Variants in CALCR observed in about 807,000 individuals in gnomAD.
CALCR encodes calcitonin receptor.
CALCR carries 47 observed loss-of-function variants against 59.5 expected under a neutral mutation model. The ratio of observed to expected loss-of-function variants is 0.79; its 90% CI spans 0.63 to 1.01. CALCR has a LOEUF of 1.01. CALCR is among the 50% of genes least tolerant of loss of function. The pLI is 0.00. For missense variants in CALCR, 566 were observed against 597.1 expected (o/e 0.95, Z 0.54); for synonymous variants, 213 against 211.3 (o/e 1.01, Z -0.07).
At chr7:93,554,792 T>TATATATA (rs60870213) in intron 2 of CALCR, among the ~76,000 whole-genome samples, 26 of 135,748 alleles carry the variant, frequency 1.9e-4, no homozygotes, top group African/African-American at 5.1e-4. Context: ...TATATATATA[T>TATATATA]TATACGTACA....
At chr7:93,427,411 A>T (rs1274607506) in intron 13 of CALCR, among the ~76,000 whole-genome samples, 1 of 152,156 alleles carries the variant, frequency 6.6e-6, no homozygotes, top group Non-Finnish European at 1.5e-5. Context: ...GCTGAACAAA[A>T]CTAAAAAAGA....
At chr7:93,545,436 A>G (rs1319575206) in intron 2 of CALCR, among the ~76,000 whole-genome samples, 1 of 152,152 alleles carries the variant, frequency 6.6e-6, no homozygotes, top group Non-Finnish European at 1.5e-5. Context: ...TTTAACAGAA[A>G]TTTAACGTGG....
intron 2 of CALCR, among the ~76,000 whole-genome samples, chr7:93,547,575 T>C (rs1353000378): frequency 2.0e-5 from 3 of 152,192 alleles, no homozygotes; most frequent in African/African-American, 4.8e-5. Flanking sequence ...CTCTGTTTTA[T>C]GGACAGGAAA....
chr7:93,436,510 A>T (rs1033454834), intron 11 of CALCR, among the ~76,000 whole-genome samples: 3 of 152,104 alleles, frequency 2.0e-5, no homozygotes, highest in African/African-American at 7.2e-5. Context: ...CATTTTCCTG[A>T]TGATACATGA....
intron 2 of CALCR, among the ~76,000 whole-genome samples, chr7:93,499,938 C>G (rs1203045115): frequency 6.6e-6 from 1 of 151,844 alleles, no homozygotes; most frequent in African/African-American, 2.4e-5. Flanking sequence ...TACAAAATAT[C>G]ATCTTGTCCT....
intron 2 of CALCR, among the ~76,000 whole-genome samples, chr7:93,543,756 G>GT (rs570075105): frequency 2.0e-5 from 3 of 151,344 alleles, no homozygotes; most frequent in African/African-American, 4.9e-5. Context: ...TTTCCAATGA[G>GT]TTTTTTTTCA....
chr7:93,466,572 CTTG>C (rs1450754537), intron 7 of CALCR, among the ~76,000 whole-genome samples: 2 of 151,734 alleles, frequency 1.3e-5, no homozygotes, highest in African/African-American at 2.4e-5. Flanking sequence ...TCATTTGTCT[CTTG>C]TTGTGTCTGC....
intron 2 of CALCR, among the ~76,000 whole-genome samples, chr7:93,544,342 T>C (rs1789226906): frequency 1.3e-5 from 2 of 152,166 alleles, no homozygotes; most frequent in South Asian, 4.1e-4. Context: ...TCTTCCAGTT[T>C]GTAGGCAAAT....
intron 7 of CALCR, 140 bp downstream of exon 7, chr7:93,468,575 T>C (rs1016524001): frequency 1.7e-6 from 1 of 571,500 alleles, no homozygotes; most frequent in Non-Finnish European, 3.1e-6. Flanking sequence ...TCATTTTTCT[T>C]GCTACTTCAT....
At chr7:93,460,596 T>TAC (rs1800310546) in intron 8 of CALCR, among the ~76,000 whole-genome samples, 1 of 47,910 alleles carries the variant, frequency 2.1e-5, no homozygotes, top group African/African-American at 7.7e-5. Flanking sequence ...TATATATGTA[T>TAC]ATATATATAT....
chr7:93,521,654 T>C (rs1028931537), intron 2 of CALCR, among the ~76,000 whole-genome samples: 2 of 152,074 alleles, frequency 1.3e-5, no homozygotes, highest in African/African-American at 4.8e-5. Flanking sequence ...CAAACCATTC[T>C]TTTGTATCCA....
chr7:93,438,362 T>C (rs1328294288), intron 9 of CALCR, 92 bp from the exon 10 acceptor site: 3 of 917,148 alleles, frequency 3.3e-6, no homozygotes, highest in Non-Finnish European at 5.4e-6. Context: ...CTTGCAAAAA[T>C]ACTGGCAAAT....
chr7:93,443,746 C>G lies in CALCR; in HGVS notation c.660G>C (p.Lys220Asn). 1.9e-6 allele frequency: 3 copies of G among 1,612,882 alleles called. No individual in the cohort carries two copies. Among genetic ancestry groups the G allele is most frequent in the Non-Finnish European group, 2.5e-6 (3 of 1,179,208 alleles). The change falls in exon 9 of 14, where the codon AAG (lysine) becomes AAC (asparagine). Residue 220 changes from lysine to asparagine, a missense_variant. Physicochemically the swap from Lys to Asn is moderately conservative, Grantham distance 94. Coordinates refer to ENST00000426151, the MANE Select transcript of CALCR (RefSeq NM_001742.4). ...TGTACTGGTGGAAAAAATGCAAAAT[C>G]TTGCAGCTCACCTGTCAGAAAGAAA... is the stretch of plus-strand genomic sequence containing the variant. ...ELVRRDPVSC[K>N]ILHFFHQYMM...
At position 93,443,737 on chromosome 7, in the gene CALCR, A is replaced by G. The variant is rs1223070085; in HGVS notation, c.669T>C (p.His223=). Residue 223 remains histidine, a synonymous_variant, in exon 9 of 14, where the codon CAT becomes CAC. Coordinates refer to ENST00000426151, the MANE Select transcript of CALCR (RefSeq NM_001742.4). ...AGGCCATCATGTACTGGTGGAAAAA[A>G]TGCAAAATCTTGCAGCTCACCTGTC... ...RRDPVSCKIL[H]FFHQYMMACN... The G allele has an allele frequency of 6.2e-7, 1 of 1,613,276 alleles. No homozygotes were observed.
chr7:93,503,945 T>C (rs1801375032), intron 2 of CALCR, among the ~76,000 whole-genome samples: 1 of 152,128 alleles, frequency 6.6e-6, no homozygotes, highest in South Asian at 2.1e-4. Context: ...AATAAAAAAA[T>C]GAATTAACAC....
intron 3 of CALCR, among the ~76,000 whole-genome samples, chr7:93,482,304 T>TA (rs1800816006): frequency 6.6e-6 from 1 of 151,876 alleles, no homozygotes; most frequent in Non-Finnish European, 1.5e-5. Flanking sequence ...TGGTTCAACT[T>TA]ATACATTTAT....
At chr7:93,445,195 G>A (rs1046861157) in intron 8 of CALCR, among the ~76,000 whole-genome samples, 3 of 151,968 alleles carry the variant, frequency 2.0e-5, no homozygotes, top group African/African-American at 7.2e-5. Context: ...AAAAGCACTG[G>A]CTTCCCTCCC....
chr7:93,503,273 A>T (rs1242531208), intron 2 of CALCR, among the ~76,000 whole-genome samples: 1 of 152,130 alleles, frequency 6.6e-6, no homozygotes, highest in Non-Finnish European at 1.5e-5. Flanking sequence ...CAGGGGAGCA[A>T]CGCTTTGCTC....
In CALCR at chr7:93,438,396, C is replaced by T. The variant is rs1584536688; in HGVS notation, c.803-126G>A. The T allele has an allele frequency of 1.4e-5, 10 of 715,014 alleles. No individual in the cohort carries two copies. In the East Asian group the frequency reaches 2.1e-4, roughly 15 times the overall value. The allele number at this position is 715,014 out of a possible 1,614,324, so 44.3% of individuals were successfully genotyped here. On this transcript the variant is annotated intron_variant, in intron 9 of 13. Transcript: ENST00000426151. ...ATTGAGTGCATCTGTCAAGATGTTCCCCTGATATTTTCACAAAAATCATCT... is the reference window on the plus strand; with the variant it reads ...ATTGAGTGCATCTGTCAAGATGTTCTCCTGATATTTTCACAAAAATCATCT...
Sources: allele counts gnomAD v4.1 joint callset (sites outside exome capture counted in the v4.1 genomes callset), GRCh38; gene constraint gnomAD v4.1.1; transcripts MANE v1.5; gene names NCBI Gene and HGNC (gene_info 2026-07-23, HGNC 2026-07-21).